The following KCNQ5 variants were observed in gnomAD, a reference collection of about 807,000 sequenced individuals.
The protein encoded by KCNQ5 is potassium voltage-gated channel subfamily Q member 5, also known as potassium voltage-gated channel subfamily KQT member 5.
KCNQ5 carries 30 observed loss-of-function variants against 98.2 expected under a neutral mutation model. The ratio of observed to expected loss-of-function variants is 0.31; its 90% CI spans 0.23 to 0.41. The LOEUF (loss-of-function observed/expected upper bound fraction) is 0.41, where lower values mean the gene tolerates loss of function less well. Among genes scored for constraint, KCNQ5 ranks in the 10% least tolerant of loss-of-function variants. The probability of loss-of-function intolerance (pLI) is 1.00; values close to 1 mark genes in which losing one functional copy is unlikely to be tolerated. For synonymous variants in KCNQ5, 458 were observed against 449.4 expected, an observed-to-expected ratio of 1.02 and a Z score of -0.24; for missense variants, 835 against 1,182.5, an observed-to-expected ratio of 0.71 and a Z score of 4.31.
At chr6:73,129,882 T>G in intron 9 of KCNQ5, 1 of 1,581,722 alleles carries the variant, frequency 6.3e-7, no homozygotes, top group Non-Finnish European at 8.7e-7. Context: ...ACATGAGATT[T>G]GAGAATGCCA....
intron 1 of KCNQ5, among the ~76,000 whole-genome samples, chr6:72,695,402 T>G (rs1472150753): frequency 6.6e-6 from 1 of 152,186 alleles, no homozygotes; most frequent in African/African-American, 2.4e-5. Flanking sequence ...TCCCGTACTT[T>G]CCTCTTATAT....
intron 1 of KCNQ5, among the ~76,000 whole-genome samples, chr6:72,915,011 A>C (rs529672930): frequency 7.2e-5 from 11 of 152,286 alleles, no homozygotes; most frequent in African/African-American, 2.4e-4. Context: ...ACTTTCAAAA[A>C]AGATATAGAG....
At chr6:72,849,057 A>C (rs933780988) in intron 1 of KCNQ5, among the ~76,000 whole-genome samples, 1 of 151,920 alleles carries the variant, frequency 6.6e-6, no homozygotes, top group East Asian at 1.9e-4. Context: ...CTCCAGTTCC[A>C]TCTGTGTTGT....
chr6:72,731,171 T>C (rs1770533549), intron 1 of KCNQ5, among the ~76,000 whole-genome samples: 1 of 152,146 alleles, frequency 6.6e-6, no homozygotes, highest in Admixed American at 6.6e-5. Flanking sequence ...GATAAAAGTT[T>C]TAAGTGAAAA....
At chr6:72,811,653 A>G (rs1464243060) in intron 1 of KCNQ5, among the ~76,000 whole-genome samples, 1 of 152,160 alleles carries the variant, frequency 6.6e-6, no homozygotes, top group Non-Finnish European at 1.5e-5. Context: ...TTATTTAAGG[A>G]TGATTCTTTC....
At chr6:72,793,067 A>G (rs1774143363) in intron 1 of KCNQ5, among the ~76,000 whole-genome samples, 1 of 152,236 alleles carries the variant, frequency 6.6e-6, no homozygotes. Context: ...AAGAGAGCAC[A>G]TAGGAGATAC....
intron 6 of KCNQ5, among the ~76,000 whole-genome samples, chr6:73,108,524 G>A (rs747248635): frequency 1.3e-5 from 2 of 151,958 alleles, no homozygotes; most frequent in African/African-American, 2.4e-5. Flanking sequence ...GTTAAAAACC[G>A]TTTAAAAAAA....
At chr6:73,192,786 A>G (rs1408218200) in intron 13 of KCNQ5, 95 bp downstream of exon 13, 1 of 1,084,276 alleles carries the variant, frequency 9.2e-7, no homozygotes, top group Non-Finnish European at 1.2e-6. Context: ...ATTATTTTAA[A>G]ATAAATAAAA....
At chr6:72,653,129 T>C (rs779468715) in intron 1 of KCNQ5, among the ~76,000 whole-genome samples, 2 of 151,942 alleles carry the variant, frequency 1.3e-5, no homozygotes, top group African/African-American at 2.4e-5. Context: ...CTCCCTTGGA[T>C]TTTCGTTATA....
intron 3 of KCNQ5, among the ~76,000 whole-genome samples, chr6:73,052,153 C>T (rs1772273617): frequency 2.0e-5 from 3 of 152,036 alleles, no homozygotes; most frequent in African/African-American, 7.2e-5. Flanking sequence ...GCTTGAATAT[C>T]ACTTCTCTGA....
chr6:73,169,897 T>C lies in KCNQ5; in HGVS notation c.1577+43T>C, dbSNP rs745476948. On this transcript the variant is annotated intron_variant, in intron 11 of 13. Coordinates refer to ENST00000370398, the MANE Select transcript of KCNQ5 (RefSeq NM_019842.4). ...ACAACGTGATTCAGAGACATACTTATGATTAATTGAATTACTATGTTGCTA... is the reference window on the plus strand; with the variant it reads ...ACAACGTGATTCAGAGACATACTTACGATTAATTGAATTACTATGTTGCTA... 1.1e-5 allele frequency: 13 copies of C among 1,234,356 alleles called. No homozygotes were observed. In the Admixed American group the frequency reaches 1.4e-4, roughly 13 times the overall value. 76.5% of individuals were successfully genotyped at this position (1,234,356 alleles called of 1,614,324 possible).
At chr6:72,976,531 A>G (rs1404347365) in intron 1 of KCNQ5, among the ~76,000 whole-genome samples, 1 of 152,170 alleles carries the variant, frequency 6.6e-6, no homozygotes, top group African/African-American at 2.4e-5. Flanking sequence ...TCTCTTCCTC[A>G]CCCTTACAAA....
At chr6:73,051,705 CAAAAAAAAAAAAAA>C (rs201199934) in intron 3 of KCNQ5, among the ~76,000 whole-genome samples, 15 of 97,176 alleles carry the variant, frequency 1.5e-4, no homozygotes, top group African/African-American at 6.2e-4. Flanking sequence ...AAGATAGAGG[CAAAAAAAAAAAAAA>C]AAAAAAAAAA....
intron 1 of KCNQ5, among the ~76,000 whole-genome samples, chr6:72,770,167 A>G (rs1281337954): frequency 6.6e-6 from 1 of 152,144 alleles, no homozygotes; most frequent in African/African-American, 2.4e-5. Flanking sequence ...GGAGAAATGG[A>G]TTCTAGAAAA....
chr6:72,654,436 A>G (rs1277165204), intron 1 of KCNQ5, among the ~76,000 whole-genome samples: 1 of 152,098 alleles, frequency 6.6e-6, no homozygotes, highest in Non-Finnish European at 1.5e-5. Flanking sequence ...TACAGTAACC[A>G]AGGTACAGTA....
At chr6:73,070,020 A>G (rs1182611999) in intron 3 of KCNQ5, among the ~76,000 whole-genome samples, 3 of 152,172 alleles carry the variant, frequency 2.0e-5, no homozygotes, top group Non-Finnish European at 2.9e-5. Flanking sequence ...TATGAAACAT[A>G]CTATGGAAGC....
chr6:72,778,495 C>T (rs1014769317), intron 1 of KCNQ5, among the ~76,000 whole-genome samples: 3 of 150,784 alleles, frequency 2.0e-5, no homozygotes, highest in Non-Finnish European at 4.4e-5. Context: ...GCAGAGATCA[C>T]GCCACTGCAC....
At chr6:72,791,611 G>A (rs1774051886) in intron 1 of KCNQ5, among the ~76,000 whole-genome samples, 1 of 152,144 alleles carries the variant, frequency 6.6e-6, no homozygotes, top group Non-Finnish European at 1.5e-5. Context: ...AAAGACTAAT[G>A]TGCAGCAAAA....
intron 1 of KCNQ5, among the ~76,000 whole-genome samples, chr6:72,902,619 T>C (rs957755870): frequency 1.3e-5 from 2 of 152,230 alleles, no homozygotes; most frequent in Admixed American, 1.3e-4. Flanking sequence ...TGGTTTTTAA[T>C]TCTGTTTATG....
Sources: allele counts gnomAD v4.1 joint callset (sites outside exome capture counted in the v4.1 genomes callset), GRCh38; gene constraint gnomAD v4.1.1; transcripts MANE v1.5; gene names NCBI Gene and HGNC (gene_info 2026-07-23, HGNC 2026-07-21).